Variants in MTA3 observed in about 807,000 individuals in gnomAD.
The protein encoded by MTA3 is metastasis associated 1 family member 3.
MTA3 carries 34 observed loss-of-function variants against 83.5 expected under a neutral mutation model. That is an observed-to-expected ratio of 0.41 (90% CI 0.31 to 0.54). The LOEUF is 0.54. MTA3 is among the 20% of genes least tolerant of loss of function. The pLI is 0.33. For synonymous variants in MTA3, 303 were observed against 252.7 expected (o/e 1.20, Z -1.89); for missense variants, 761 against 726.4 (o/e 1.05, Z -0.55).
chr2:42,579,871 A>G (rs1679427614), intron 3 of MTA3, among the ~76,000 whole-genome samples: 1 of 152,076 alleles, frequency 6.6e-6, no homozygotes, highest in Admixed American at 6.6e-5. Context: ...TTGTGAGGAT[A>G]CAGATAGGAG....
intron 2 of MTA3, among the ~76,000 whole-genome samples, chr2:42,499,863 A>G (rs1674317236): frequency 6.6e-6 from 1 of 152,150 alleles, no homozygotes; most frequent in African/African-American, 2.4e-5. Flanking sequence ...GACAGTTTCA[A>G]AAGTGTATAC....
intron 14 of MTA3, among the ~76,000 whole-genome samples, chr2:42,718,108 T>A (rs1193102538): frequency 1.3e-5 from 2 of 151,864 alleles, no homozygotes; most frequent in Non-Finnish European, 2.9e-5. Context: ...TTTTTTTTTT[T>A]TTTCGCTTTA....
chr2:42,670,168 A>G (rs529763159), intron 8 of MTA3, among the ~76,000 whole-genome samples: 14 of 152,278 alleles, frequency 9.2e-5, no homozygotes, highest in Middle Eastern at 3.4e-3. Context: ...CTGAGGCAGA[A>G]GAATCGCTTG....
At chr2:42,540,094 G>A (rs1272128922) in intron 2 of MTA3, among the ~76,000 whole-genome samples, 2 of 151,682 alleles carry the variant, frequency 1.3e-5, no homozygotes, top group Non-Finnish European at 2.9e-5. Context: ...CACAGGCCCT[G>A]TCCAATCACC....
chr2:42,518,190 GAAAAT>G (rs1244274176), intron 2 of MTA3, among the ~76,000 whole-genome samples: 1 of 151,850 alleles, frequency 6.6e-6, no homozygotes, highest in Middle Eastern at 3.2e-3. Context: ...CAAAAAAAAA[GAAAAT>G]AAAAGAAAAT....
intron 2 of MTA3, among the ~76,000 whole-genome samples, chr2:42,548,933 G>A (rs1676938619): frequency 8.3e-6 from 1 of 120,254 alleles, no homozygotes. Flanking sequence ...CCAGCACTTT[G>A]GGAGGCTGAG....
At chr2:42,611,059 G>T (rs545500847) in intron 4 of MTA3, among the ~76,000 whole-genome samples, 19 of 146,952 alleles carry the variant, frequency 1.3e-4, no homozygotes, top group African/African-American at 4.8e-4. Context: ...TTGGCTCACT[G>T]CAACCTCTGC....
chr2:42,600,501 A>ATT (rs11355281), intron 3 of MTA3, among the ~76,000 whole-genome samples: 1 of 139,958 alleles, frequency 7.1e-6, no homozygotes, highest in African/African-American at 2.7e-5. Context: ...CTTTTTATTA[A>ATT]TTTTTTTTTT....
intron 4 of MTA3, among the ~76,000 whole-genome samples, chr2:42,634,253 G>C (rs12712854): frequency 0.77 from 116,829 of 152,154 alleles, 45,422 homozygotes; most frequent in African/African-American, 0.88. Context: ...GGTAGTCATG[G>C]AAATTTATGT....
chr2:42,736,818 A>G (rs1668644983), intron 16 of MTA3, among the ~76,000 whole-genome samples: 1 of 152,144 alleles, frequency 6.6e-6, no homozygotes, highest in Non-Finnish European at 1.5e-5. Flanking sequence ...TTCAGGGCCC[A>G]AGGGCTTTTT....
At chr2:42,523,221 G>A (rs1404419777) in intron 2 of MTA3, among the ~76,000 whole-genome samples, 2 of 152,102 alleles carry the variant, frequency 1.3e-5, no homozygotes, top group East Asian at 3.9e-4. Flanking sequence ...TGCCACCATG[G>A]GGTTGGATAG....
chr2:42,702,437 C>T (rs1665667718), intron 11 of MTA3: 1 of 152,098 alleles, frequency 6.6e-6, no homozygotes, highest in Admixed American at 6.6e-5. Flanking sequence ...GCTGTCAGGC[C>T]AGACCAACTT....
intron 3 of MTA3, among the ~76,000 whole-genome samples, chr2:42,590,190 G>A (rs1680801693): frequency 6.6e-6 from 1 of 152,108 alleles, no homozygotes; most frequent in Non-Finnish European, 1.5e-5. Flanking sequence ...TGGATGTTGT[G>A]CCCTCCAAAC....
chr2:42,720,083 C>A (rs905716601), intron 15 of MTA3, among the ~76,000 whole-genome samples: 3 of 152,098 alleles, frequency 2.0e-5, no homozygotes, highest in African/African-American at 4.8e-5. Context: ...CTAGTCCTTA[C>A]CCAAAAGAAT....
chr2:42,630,941 A>G (rs780758287), intron 4 of MTA3, among the ~76,000 whole-genome samples: 1 of 152,174 alleles, frequency 6.6e-6, no homozygotes, highest in Non-Finnish European at 1.5e-5. Flanking sequence ...TTATTGAAAA[A>G]TAAATAGTAG....
chr2:42,694,142 G>T (rs1271342528), intron 9 of MTA3, among the ~76,000 whole-genome samples: 3 of 152,180 alleles, frequency 2.0e-5, no homozygotes, highest in Non-Finnish European at 4.4e-5. Flanking sequence ...GCAAGACAAA[G>T]TCCTCTTTAC....
chr2:42,630,774 G>A (rs1026841140), intron 4 of MTA3, among the ~76,000 whole-genome samples: 9 of 152,146 alleles, frequency 5.9e-5, no homozygotes, highest in Non-Finnish European at 1.3e-4. Context: ...AAGTAAAATA[G>A]TTGAAAGTAT....
rs189942629 is a variant in MTA3, at chr2:42,697,956, C to T, written c.1025+122C>T. The T allele has an allele frequency of 4.7e-6, 3 of 631,840 alleles. No individual in the cohort carries two copies. In the Admixed American group the frequency reaches 1.1e-4, roughly 23 times the overall value. 39.1% of individuals were successfully genotyped at this position (631,840 alleles called of 1,614,324 possible). A position where few individuals can be genotyped will look rare whatever the true frequency, so the allele number is the denominator to read the frequency against. On this transcript the variant is annotated intron_variant, in intron 11 of 16. Coordinates refer to ENST00000405094, the MANE Select transcript of MTA3 (RefSeq NM_001330442.2). ...TGTGTATCTTTCTTCTTCTACAAAG[C>T]ATGAGACTTACTATTATACCACTAC...
chr2:42,582,369 A>G (rs971212104), intron 3 of MTA3, among the ~76,000 whole-genome samples: 4 of 152,158 alleles, frequency 2.6e-5, no homozygotes, highest in Non-Finnish European at 5.9e-5. Context: ...GAGATATTTT[A>G]CCTTTTTTAA....
Sources: allele counts gnomAD v4.1 joint callset (sites outside exome capture counted in the v4.1 genomes callset), GRCh38; gene constraint gnomAD v4.1.1; transcripts MANE v1.5; gene names NCBI Gene and HGNC (gene_info 2026-07-23, HGNC 2026-07-21).